Variants in NDUFAF2 observed in about 807,000 individuals in gnomAD.
NDUFAF2 encodes NADH:ubiquinone oxidoreductase complex assembly factor 2.
A neutral mutation model predicts 22.8 loss-of-function variants in NDUFAF2; 13 were observed. That is an observed-to-expected ratio of 0.57 (90% CI 0.37 to 0.91). The LOEUF is 0.91. NDUFAF2 is among the 40% of genes least tolerant of loss of function. The pLI is 0.01. For missense variants in NDUFAF2, 162 were observed against 195.2 expected (o/e 0.83, Z 1.01); for synonymous variants, 53 against 64.2 (o/e 0.83, Z 0.84).
intron 1 of NDUFAF2, among the ~76,000 whole-genome samples, chr5:60,989,716 A>G (rs545033284): frequency 6.6e-6 from 1 of 152,284 alleles, no homozygotes; most frequent in South Asian, 2.1e-4. Flanking sequence ...TGGACACAAC[A>G]AAGGGAACAA....
At chr5:61,064,087 C>T (rs779042000) in intron 1 of NDUFAF2, among the ~76,000 whole-genome samples, 7 of 152,038 alleles carry the variant, frequency 4.6e-5, no homozygotes, top group East Asian at 3.9e-4. Flanking sequence ...AGAAAGCAAG[C>T]GTGGCTGTAC....
At chr5:60,972,346 C>T (rs1444255602) in intron 1 of NDUFAF2, among the ~76,000 whole-genome samples, 3 of 151,776 alleles carry the variant, frequency 2.0e-5, no homozygotes, top group East Asian at 3.9e-4. Context: ...TTGTCAAGGG[C>T]GGGATCAAGT....
chr5:61,125,382 T>C (rs553850185), intron 3 of NDUFAF2, among the ~76,000 whole-genome samples: 3 of 152,188 alleles, frequency 2.0e-5, no homozygotes, highest in African/African-American at 7.2e-5. Flanking sequence ...ATAGCATCTC[T>C]AGAAGAATAC....
intron 1 of NDUFAF2, among the ~76,000 whole-genome samples, chr5:61,036,585 G>A (rs1751803377): frequency 6.6e-6 from 1 of 152,142 alleles, no homozygotes; most frequent in African/African-American, 2.4e-5. Context: ...CTAAATAAAG[G>A]GACTATGTAA....
At chr5:61,020,166 CTT>C (rs1751560386) in intron 1 of NDUFAF2, among the ~76,000 whole-genome samples, 1 of 152,092 alleles carries the variant, frequency 6.6e-6, no homozygotes, top group African/African-American at 2.4e-5. Context: ...CCTTTTAAAA[CTT>C]GACCAATTAA....
intron 1 of NDUFAF2, among the ~76,000 whole-genome samples, chr5:60,960,082 C>T (rs1027152803): frequency 1.3e-5 from 2 of 151,948 alleles, no homozygotes; most frequent in African/African-American, 4.8e-5. Context: ...GTTTTCCCTG[C>T]CATAGAAATA....
chr5:60,976,213 A>C (rs1017061022), intron 1 of NDUFAF2, among the ~76,000 whole-genome samples: 1 of 152,190 alleles, frequency 6.6e-6, no homozygotes, highest in Non-Finnish European at 1.5e-5. Context: ...ACTAGATGTA[A>C]ATTTTTAAAA....
In NDUFAF2 at chr5:61,053,858, A is replaced by G. The variant is rs556017932; in HGVS notation, c.128-19267A>G. On this transcript the variant is annotated intron_variant, in intron 1 of 3. Transcript: ENST00000296597. ...TGGATATAAAGGGAAATATTGAAATAAAATATATTTTGTTGAAAGTTTGCA... is the reference window on the plus strand; with the variant it reads ...TGGATATAAAGGGAAATATTGAAATGAAATATATTTTGTTGAAAGTTTGCA... Among the ~76,000 whole-genome samples, 5 of 152,366 alleles carry G rather than the reference A, an allele frequency of 3.3e-5. No homozygotes were observed. The East Asian group carries it at 9.6e-4, about 29-fold the overall frequency.
chr5:61,040,818 GT>G (rs1751872145), intron 1 of NDUFAF2, among the ~76,000 whole-genome samples: 1 of 152,122 alleles, frequency 6.6e-6, no homozygotes, highest in Non-Finnish European at 1.5e-5. Context: ...AAAAATAATT[GT>G]AGATAATTAC....
At chr5:61,068,517 T>C (rs1210122875) in intron 1 of NDUFAF2, among the ~76,000 whole-genome samples, 1 of 152,172 alleles carries the variant, frequency 6.6e-6, no homozygotes, top group East Asian at 1.9e-4. Flanking sequence ...CACATGTATA[T>C]GTGTTTGTGT....
chr5:61,052,116 A>G (rs1230107058), intron 1 of NDUFAF2, among the ~76,000 whole-genome samples: 1 of 148,342 alleles, frequency 6.7e-6, no homozygotes, highest in Non-Finnish European at 1.5e-5. Flanking sequence ...TTACCCCACT[A>G]GAGCACTTGT....
chr5:61,033,903 T>A (rs1219006683), intron 1 of NDUFAF2, among the ~76,000 whole-genome samples: 1 of 152,142 alleles, frequency 6.6e-6, no homozygotes, highest in Non-Finnish European at 1.5e-5. Flanking sequence ...ACCTGTTTCA[T>A]TTGATAAATT....
chr5:61,066,840 G>A (rs1249687798), intron 1 of NDUFAF2, among the ~76,000 whole-genome samples: 1 of 151,980 alleles, frequency 6.6e-6, no homozygotes, highest in Admixed American at 6.6e-5. Context: ...TTCAGTGGTG[G>A]TTGACTGAAT....
chr5:61,124,808 G>A (rs955514494), intron 3 of NDUFAF2, among the ~76,000 whole-genome samples: 19 of 151,888 alleles, frequency 1.3e-4, no homozygotes, highest in Admixed American at 3.3e-4. Flanking sequence ...ACATTAGTTC[G>A]TTTTCACATT....
rs986443967 is a variant in NDUFAF2 at position 61,083,748 on chromosome 5, T to C, written c.217+10534T>C. Among the ~76,000 whole-genome samples the C allele has an allele frequency of 2.0e-5, 3 of 151,882 alleles. 1 individual carries two copies. The Middle Eastern group carries it at 0.01, about 517-fold the overall frequency. The stretch of plus-strand genomic sequence containing the variant: ...CCTAAGTGTTTCTTGATTTTTTTGG[T>C]GCTATTGCTAGTTGTTTTCTATTTT... On this transcript the variant is annotated intron_variant, in intron 2 of 3. Coordinates refer to ENST00000296597, the MANE Select transcript of NDUFAF2 (RefSeq NM_174889.5).
chr5:61,125,186 A>G (rs1406735483), intron 3 of NDUFAF2, among the ~76,000 whole-genome samples: 1 of 152,002 alleles, frequency 6.6e-6, no homozygotes, highest in Non-Finnish European at 1.5e-5. Context: ...TCTTTTTTCT[A>G]CATTCCCTTT....
At chr5:61,121,840 T>C (rs1315525504) in intron 3 of NDUFAF2, among the ~76,000 whole-genome samples, 2 of 137,872 alleles carry the variant, frequency 1.5e-5, no homozygotes, top group East Asian at 2.0e-4. Context: ...CTTTTTTTTT[T>C]CTTTTTTTTT....
intron 2 of NDUFAF2, among the ~76,000 whole-genome samples, chr5:61,092,431 C>T (rs561403056): frequency 6.0e-4 from 91 of 151,096 alleles, no homozygotes; most frequent in African/African-American, 2.1e-3. Flanking sequence ...GATCTTTCAC[C>T]TCCACTGTAT....
At chr5:61,040,286 A>ACACACGCGCGCGCGCGCGCG (rs1491193758) in intron 1 of NDUFAF2, among the ~76,000 whole-genome samples, 16 of 93,068 alleles carry the variant, frequency 1.7e-4, no homozygotes, top group African/African-American at 6.1e-4. Context: ...ACACACACAC[A>ACACACGCGCGCGCGCGCGCG]CGCGCGCGCG....
Sources: gnomAD v4.1 joint callset for allele counts (sites outside exome capture counted in the v4.1 genomes callset) on GRCh38, gnomAD v4.1.1 for gene constraint, MANE v1.5 for transcripts, NCBI Gene and HGNC (gene_info 2026-07-23, HGNC 2026-07-21) for gene names.